TNS1: variants seen among roughly 807,000 people sequenced by gnomAD.
The protein encoded by TNS1 is tensin-1.
Under a neutral mutation model 168.6 loss-of-function variants are expected in TNS1, and 62 were observed. That is an observed-to-expected ratio of 0.37 (90% CI 0.30 to 0.45). TNS1 has a LOEUF of 0.45. Ranked by LOEUF, TNS1 falls within the 20% of genes least tolerant of loss-of-function variation. The probability of loss-of-function intolerance (pLI) is 1.00; values close to 1 mark genes in which losing one functional copy is unlikely to be tolerated. For synonymous variants in TNS1, 934 were observed against 933.2 expected, an observed-to-expected ratio of 1.00 and a Z score of -0.02; for missense variants, 2,240 against 2,339.4, an observed-to-expected ratio of 0.96 and a Z score of 0.88.
chr2:217,925,777 A>C (rs1443973360), intron 3 of TNS1, among the ~76,000 whole-genome samples: 1 of 152,076 alleles, frequency 6.6e-6, no homozygotes, highest in Non-Finnish European at 1.5e-5. Context: ...AAACATCCTC[A>C]CACTCACTAG....
At chr2:217,932,246 G>A (rs997015849) in intron 3 of TNS1, among the ~76,000 whole-genome samples, 1 of 152,196 alleles carries the variant, frequency 6.6e-6, no homozygotes, top group Non-Finnish European at 1.5e-5. Flanking sequence ...AGGGTAAGAG[G>A]AGGGATAGAA....
chr2:217,933,135 T>C (rs1956411256), intron 3 of TNS1, among the ~76,000 whole-genome samples: 1 of 152,148 alleles, frequency 6.6e-6, no homozygotes, highest in Admixed American at 6.5e-5. Context: ...GTCACCAGCA[T>C]TGTTTGGCTC....
chr2:217,906,938 C>G (rs950879122), intron 5 of TNS1, among the ~76,000 whole-genome samples: 4 of 152,182 alleles, frequency 2.6e-5, no homozygotes, highest in Non-Finnish European at 5.9e-5. Context: ...ATTTAACCAC[C>G]GGCTGCTCCC....
chr2:217,909,444 C>A (rs1352048869), intron 4 of TNS1, among the ~76,000 whole-genome samples: 3 of 152,154 alleles, frequency 2.0e-5, no homozygotes, highest in Non-Finnish European at 4.4e-5. Context: ...AGAAAAGCCT[C>A]TCTTCCTCCT....
intron 6 of TNS1, among the ~76,000 whole-genome samples, chr2:217,904,041 A>C (rs555207296): frequency 7.9e-5 from 12 of 152,294 alleles, no homozygotes; most frequent in Admixed American, 2.0e-4. Context: ...AGGGTCTGTA[A>C]GCGAACACCA....
chr2:217,973,780 C>T (rs1265413643), intron 3 of TNS1, among the ~76,000 whole-genome samples: 9 of 152,080 alleles, frequency 5.9e-5, no homozygotes, highest in South Asian at 2.1e-4. Flanking sequence ...ACTGCAAAGA[C>T]GAGGGAAAAC....
chr2:217,812,518 T>TA, intron 27 of TNS1, 73 bp from the exon 28 acceptor site: 1 of 1,211,460 alleles, frequency 8.3e-7, no homozygotes, highest in African/African-American at 1.5e-5. Flanking sequence ...CCTCTACCCT[T>TA]ACACCGATAC....
chr2:217,818,043 T>G lies in TNS1; in HGVS notation c.4289A>C (p.Tyr1430Ser). 2 of 1,605,486 alleles carry G rather than the reference T, an allele frequency of 1.2e-6. No homozygotes were observed. Among genetic ancestry groups the G allele is most frequent in the South Asian group, 2.2e-5 (2 of 89,762 alleles). ...GGGTCTCCGATCCTCCGGGGTAGAA[T>G]AGCCACCATAGGCCACATGCCGGTC... ...CLDRHVAYGG[Y>S]STPEDRRPTL... is the part of the protein sequence containing the mutation. The change falls in exon 24 of 33, where the codon TAT becomes TCT. Residue 1430 changes from tyrosine to serine, a missense_variant. By Grantham distance (144) the Tyr-to-Ser change is moderately radical. Transcript: ENST00000682258.
At chr2:217,925,197 T>C (rs1955951585) in intron 3 of TNS1, among the ~76,000 whole-genome samples, 2 of 152,158 alleles carry the variant, frequency 1.3e-5, no homozygotes, top group Non-Finnish European at 2.9e-5. Flanking sequence ...CCAAACCCCT[T>C]TTAAAAATGT....
intron 18 of TNS1, chr2:217,858,699 CA>C (rs1948463676): frequency 4.9e-6 from 1 of 203,838 alleles, no homozygotes; most frequent in Non-Finnish European, 8.6e-6. Flanking sequence ...CACACACACA[CA>C]CCCCACTCCC....
Position 217,994,248 on chromosome 2 carries a change from G to A in TNS1, c.34-3192C>T, listed in dbSNP as rs778374825. 1.9e-4 allele frequency among the ~76,000 whole-genome samples: 29 copies of A among 152,116 alleles called. 1 individual carries two copies. The highest frequency in any genetic ancestry group is 3.1e-4 in the Non-Finnish European group (21 of 68,012). ...ATCTATCTCACTTCCCCTGGTTTCC[G>A]TCTCGGGCCTGGACTTGGGGGACTT... On this transcript the variant is annotated intron_variant, in intron 1 of 32. Transcript: ENST00000682258.
intron 2 of TNS1, among the ~76,000 whole-genome samples, chr2:217,985,209 G>A (rs1958165026): frequency 6.6e-6 from 1 of 151,838 alleles, no homozygotes; most frequent in African/African-American, 2.4e-5. Flanking sequence ...CCATCCAGTA[G>A]TGTTCAAACT....
chr2:217,992,911 C>T (rs1235707324), intron 1 of TNS1, among the ~76,000 whole-genome samples: 1 of 152,208 alleles, frequency 6.6e-6, no homozygotes, highest in Non-Finnish European at 1.5e-5. Context: ...GGCTTAAATG[C>T]GTCTTTGCTG....
chr2:217,882,548 A>T (rs1950783408), intron 16 of TNS1, 137 bp from the exon 17 acceptor site: 1 of 538,610 alleles, frequency 1.9e-6, no homozygotes, highest in South Asian at 2.7e-5. Flanking sequence ...GTATATTTAT[A>T]CATATATACA....
rs77349327 is a variant in TNS1, at chr2:217,999,016, G to A, written c.33+3824C>T. 2.6e-5 allele frequency among the ~76,000 whole-genome samples: 4 copies of A among 152,286 alleles called. No individual in the cohort carries two copies. In the East Asian group the frequency reaches 7.8e-4, roughly 30 times the overall value. On this transcript the variant is annotated intron_variant, in intron 1 of 32. Transcript: ENST00000682258. ...AAAAGGATGGAAAGCTGCGTGGGGG[G>A]TGTGGTTAGAAAGCCAAATGATGGG...
At chr2:217,998,186 T>A (rs1448069008) in intron 1 of TNS1, among the ~76,000 whole-genome samples, 1 of 151,266 alleles carries the variant, frequency 6.6e-6, no homozygotes, top group Non-Finnish European at 1.5e-5. Context: ...CTGACTCAGT[T>A]TCCTGAGTGA....
chr2:217,869,683 G>C (rs989358916), intron 18 of TNS1, among the ~76,000 whole-genome samples: 2 of 152,228 alleles, frequency 1.3e-5, no homozygotes, highest in Non-Finnish European at 2.9e-5. Flanking sequence ...CATCTACTGC[G>C]GGTTTGGTGT....
At chr2:217,984,673 T>C (rs533783499) in intron 2 of TNS1, among the ~76,000 whole-genome samples, 158 of 151,576 alleles carry the variant, frequency 1.0e-3, no homozygotes, top group Non-Finnish European at 1.7e-3. Flanking sequence ...TTTTATTTTG[T>C]GTAAAGATGG....
chr2:217,809,700 T>G, intron 30 of TNS1, 123 bp downstream of exon 30: 1 of 1,021,222 alleles, frequency 9.8e-7, no homozygotes, highest in Non-Finnish European at 1.5e-6. Context: ...GATAGATGGA[T>G]GAGAAGGTAG....
Sources: allele counts gnomAD v4.1 joint callset (sites outside exome capture counted in the v4.1 genomes callset), GRCh38; gene constraint gnomAD v4.1.1; transcripts MANE v1.5; gene names NCBI Gene and HGNC (gene_info 2026-07-23, HGNC 2026-07-21).